PPP1R14B: variants seen among roughly 807,000 people sequenced by gnomAD.
The protein encoded by PPP1R14B is protein phosphatase 1 regulatory subunit 14B.
A neutral mutation model predicts 14.7 loss-of-function variants in PPP1R14B; 4 were observed. The observed-to-expected ratio is 0.27, with a 90% confidence interval of 0.13 to 0.62. PPP1R14B has a LOEUF of 0.62. Among genes scored for constraint, PPP1R14B ranks in the 20% least tolerant of loss-of-function variants. The probability of loss-of-function intolerance (pLI) is 0.85; values close to 1 mark genes in which losing one functional copy is unlikely to be tolerated. For missense variants in PPP1R14B, 138 were observed against 201.5 expected (o/e 0.68, Z 1.91); for synonymous variants, 76 against 87.3 (o/e 0.87, Z 0.72).
rs576917090 is a variant in PPP1R14B at position 64,244,585 on chromosome 11, A to G, written c.*169T>C. 7.1e-6 allele frequency: 10 copies of G among 1,402,112 alleles called. No individual in the cohort carries two copies. The South Asian group carries it at 1.2e-4, about 16-fold the overall frequency. 86.9% of individuals were successfully genotyped at this position (1,402,112 alleles called of 1,614,324 possible). ...AGTTTAATAACAATAAAAAACCCCAAAAGTGGAAAACTGAGGGGGCAGGGG... is the reference window on the plus strand; with the variant it reads ...AGTTTAATAACAATAAAAAACCCCAGAAGTGGAAAACTGAGGGGGCAGGGG... On this transcript the variant is annotated 3_prime_UTR_variant, in exon 4 of 4. Coordinates refer to ENST00000309318, the MANE Select transcript of PPP1R14B (RefSeq NM_138689.3).
intron 2 of PPP1R14B, 91 bp from the exon 3 acceptor site, chr11:64,245,053 C>T (rs2030820747): frequency 2.0e-6 from 3 of 1,471,410 alleles, no homozygotes; most frequent in Admixed American, 4.0e-5. Context: ...ACTGGGGCCA[C>T]CCTGAGGCAC....
At chr11:64,245,453 C>A in intron 1 of PPP1R14B, 166 bp from the exon 2 acceptor site, 1 of 505,232 alleles carries the variant, frequency 2.0e-6, no homozygotes, top group Non-Finnish European at 3.4e-6. Flanking sequence ...AGGCCCGTGC[C>A]AAGGCAAACT....
chr11:64,244,631 G>A lies in PPP1R14B; in HGVS notation c.*123C>T. On this transcript the variant is annotated 3_prime_UTR_variant, in exon 4 of 4. Transcript: ENST00000309318. The stretch of plus-strand genomic sequence containing the variant: ...AGGGGAAGAGACCCCTGGGCCAGGG[G>A]CACGAGGAGCCCTGCTCATGGCACC... The A allele has an allele frequency of 3.4e-6, 5 of 1,486,932 alleles. No homozygotes were observed. The highest frequency in any genetic ancestry group is 4.6e-6 in the Non-Finnish European group (5 of 1,096,518). 92.1% of individuals were successfully genotyped at this position (1,486,932 alleles called of 1,614,324 possible).
At position 64,244,916 on chromosome 11, in the gene PPP1R14B, A is replaced by G. The variant is rs537341666; in HGVS notation, c.375+14T>C. 5 of 1,560,324 alleles carry G rather than the reference A, an allele frequency of 3.2e-6. No homozygotes were observed. The African/African-American group carries it at 4.1e-5, about 13-fold the overall frequency. ...ACCCTGCCACCCCCGCCAGCCCCCCAGGAAATCTCTTACCTCTGTGGGTTT... is the reference window on the plus strand; with the variant it reads ...ACCCTGCCACCCCCGCCAGCCCCCCGGGAAATCTCTTACCTCTGTGGGTTT... On this transcript the variant is annotated intron_variant, in intron 3 of 3. Coordinates refer to ENST00000309318, the MANE Select transcript of PPP1R14B (RefSeq NM_138689.3).
intron 1 of PPP1R14B, chr11:64,246,178 T>C: frequency 1.8e-6 from 1 of 570,486 alleles, no homozygotes; most frequent in Non-Finnish European, 3.1e-6. Flanking sequence ...TGGAGGACAC[T>C]AGGCTTGACC....
At chr11:64,245,164 G>C (rs777398971) in intron 2 of PPP1R14B, 40 bp downstream of exon 2, 3 of 1,597,398 alleles carry the variant, frequency 1.9e-6, no homozygotes, top group Non-Finnish European at 2.6e-6. Context: ...CTTTCCCGGG[G>C]CAGTGCCTCA....
At chr11:64,246,179 A>G in intron 1 of PPP1R14B, 1 of 566,962 alleles carries the variant, frequency 1.8e-6, no homozygotes, top group Non-Finnish European at 3.1e-6. Flanking sequence ...GGAGGACACT[A>G]GGCTTGACCT....
Position 64,246,764 on chromosome 11 carries a change from G to T in PPP1R14B, c.-91C>A. On this transcript the variant is annotated 5_prime_UTR_variant, in exon 1 of 4. Coordinates refer to ENST00000309318, the MANE Select transcript of PPP1R14B (RefSeq NM_138689.3). ...CCGGCTGGCTCGGGTTAGCTCGCCG[G>T]CTCCGCTCCGCGCGGCTCCGCGGCG... 3 of 969,794 alleles carry T rather than the reference G, an allele frequency of 3.1e-6. No individual in the cohort carries two copies. Among genetic ancestry groups the T allele is most frequent in the Non-Finnish European group, 2.4e-6 (2 of 817,428 alleles). 60.1% of individuals were successfully genotyped at this position (969,794 alleles called of 1,614,324 possible).
intron 2 of PPP1R14B, 80 bp from the exon 3 acceptor site, chr11:64,245,042 G>C: frequency 6.7e-6 from 10 of 1,489,224 alleles, no homozygotes; most frequent in Non-Finnish European, 9.1e-6. Context: ...ACTTCCAAGA[G>C]ACTGGGGCCA....
rs555194677 is a variant in PPP1R14B, at chr11:64,246,579, C to G, written c.95G>C (p.Ser32Thr). 23 of 1,600,998 alleles carry G rather than the reference C, an allele frequency of 1.4e-5. No homozygotes were observed. In the African/African-American group the frequency reaches 2.9e-4, roughly 21 times the overall value. ...GCCCTCTCCTGCGGCCCCGGGGGGG[C>G]TCTGAAAGTAGACGCGTGGTCCTGG... is the stretch of plus-strand genomic sequence containing the variant. The part of the protein sequence containing the change: ...GGPGPRVYFQ[S>T]PPGAAGEGPG... The change falls in exon 1 of 4, where the codon AGC (serine) becomes ACC (threonine). Residue 32 changes from serine to threonine, a missense_variant. By Grantham distance (58) the Ser-to-Thr change is moderately conservative. Transcript: ENST00000309318.
At chr11:64,245,898 GC>G in intron 1 of PPP1R14B, 1 of 159,164 alleles carries the variant, frequency 6.3e-6, no homozygotes, top group Non-Finnish European at 1.4e-5. Context: ...CCTCCACCCT[GC>G]CCCCCGGGGC....
rs2030870878 is a variant in PPP1R14B, at chr11:64,246,205, G to A, written c.258+211C>T. 10 of 626,148 alleles carry A rather than the reference G, an allele frequency of 1.6e-5. No homozygotes were observed. In the South Asian group the frequency reaches 1.9e-4, roughly 12 times the overall value. The allele number at this position is 626,148 out of a possible 1,614,324, so 38.8% of individuals were successfully genotyped here. On this transcript the variant is annotated intron_variant, in intron 1 of 3. Coordinates refer to ENST00000309318, the MANE Select transcript of PPP1R14B (RefSeq NM_138689.3). ...GGCTTGACCTGGGGAGTGGCATGAT[G>A]GGGGGCAGGGTCCGAGGCAACGGAG...
At chr11:64,245,552 C>A in intron 1 of PPP1R14B, 1 of 469,100 alleles carries the variant, frequency 2.1e-6, no homozygotes, top group African/African-American at 2.0e-5. Context: ...GGGTTGGGGA[C>A]CTTGGGCTGG....
chr11:64,245,477 TG>T (rs57467371), intron 1 of PPP1R14B, 190 bp from the exon 2 acceptor site: 318,703 of 328,358 alleles, frequency 0.97, 154,723 homozygotes, highest in Middle Eastern at 0.99. Context: ...CAAAGCGGGG[TG>T]GGGGGGGGAG....
Position 64,244,942 on chromosome 11 carries a change from G to GT in PPP1R14B, c.362dup (p.Tyr121Ter), listed in dbSNP as rs772901366. 2 of 1,611,902 alleles carry GT rather than the reference G, an allele frequency of 1.2e-6. No homozygotes were observed. Among genetic ancestry groups the GT allele is most frequent in the African/African-American group, 1.3e-5 (1 of 74,794 alleles). Reference protein sequence around the residue: ...ARVKELLVDCYKPTEAFISGL... With the variant: ...ARVKELLVDC ...GGAAATCTCTTACCTCTGTGGGTTT[G>GT]TAACAGTCAACCAGCAGCTCCTAGC... The change falls in exon 3 of 4, where the codon TAC becomes TAAC. Residue 121 changes from tyrosine (Y) to a stop codon, truncating the protein, a stop_gained and frameshift_variant. Transcript: ENST00000309318. LOFTEE classifies it high-confidence loss of function.
chr11:64,246,218 C>T (rs2030871551), intron 1 of PPP1R14B, 198 bp downstream of exon 1: 2 of 691,816 alleles, frequency 2.9e-6, no homozygotes, highest in Non-Finnish European at 2.3e-6. Context: ...GGGCAGGGTC[C>T]GAGGCAACGG....
intron 1 of PPP1R14B, 87 bp downstream of exon 1, chr11:64,246,329 T>G: frequency 4.0e-6 from 6 of 1,518,186 alleles, no homozygotes; most frequent in Non-Finnish European, 4.4e-6. Context: ...GCCCTTTGAC[T>G]CCAGTGACAG....
chr11:64,246,810 C>T lies in PPP1R14B; in HGVS notation c.-137G>A, dbSNP rs918690420. The T allele has an allele frequency of 7.1e-6, 5 of 705,168 alleles. No individual in the cohort carries two copies. The African/African-American group carries it at 7.8e-5, about 11-fold the overall frequency. The allele number at this position is 705,168 out of a possible 1,614,324, so 43.7% of individuals were successfully genotyped here. A position where few individuals can be genotyped will look rare whatever the true frequency, so the allele number is the denominator to read the frequency against. On this transcript the variant is annotated 5_prime_UTR_variant, in exon 1 of 4. Transcript: ENST00000309318. Reference sequence around the variant, plus strand: ...CGGCGAGGGCGGCGGCGGGGGCGCCCGGGGGCAGCTGCAGCATGCGGAGCC... The same window carrying T: ...CGGCGAGGGCGGCGGCGGGGGCGCCTGGGGGCAGCTGCAGCATGCGGAGCC...
At position 64,246,471 on chromosome 11, in the gene PPP1R14B, C is replaced by CTAG; in HGVS notation, c.202_203insCTA (p.Arg68delinsProSer). The CTAG allele has an allele frequency of 6.2e-7, 1 of 1,609,758 alleles. No homozygotes were observed. The highest frequency in any genetic ancestry group is 8.5e-7 in the Non-Finnish European group (1 of 1,179,008). On this transcript the variant is annotated protein_altering_variant, in exon 1 of 4. Transcript: ENST00000309318. ...CAGGATCCACTCCTCTAGGTTGAGG[C>CTAG]GCTTCCGTAGCTCCTTGCGGTCATA...
Sources: allele counts gnomAD v4.1 joint callset, GRCh38; gene constraint gnomAD v4.1.1; transcripts MANE v1.5; gene names NCBI Gene and HGNC (gene_info 2026-07-23, HGNC 2026-07-21).